CTNNA3: variants seen among roughly 807,000 people sequenced by gnomAD.
The protein encoded by CTNNA3 is catenin alpha-3.
A neutral mutation model predicts 95.7 loss-of-function variants in CTNNA3; 76 were observed. The ratio of observed to expected loss-of-function variants is 0.79; its 90% confidence interval spans 0.66 to 0.96. The LOEUF (loss-of-function observed/expected upper bound fraction) is 0.96. Among genes scored for constraint, CTNNA3 ranks in the 40% least tolerant of loss-of-function variants. CTNNA3 has a pLI of 0.00. For missense variants in CTNNA3, 1,191 were observed against 1,089.8 expected, an observed-to-expected ratio of 1.09 and a Z score of -1.31; for synonymous variants, 431 against 374.4, an observed-to-expected ratio of 1.15 and a Z score of -1.74.
chr10:66,593,936 A>C (rs1245444828), intron 10 of CTNNA3, among the ~76,000 whole-genome samples: 1 of 151,908 alleles, frequency 6.6e-6, no homozygotes, highest in Non-Finnish European at 1.5e-5. Context: ...TCTATGTTAT[A>C]TTATCCCTAT....
At chr10:66,503,855 G>A (rs538533733) in intron 11 of CTNNA3, among the ~76,000 whole-genome samples, 16 of 152,158 alleles carry the variant, frequency 1.1e-4, no homozygotes, top group Non-Finnish European at 1.8e-4. Context: ...CTTTAGCGGT[G>A]AAATTTTAGT....
At chr10:66,644,505 T>C (rs535798939) in intron 9 of CTNNA3, among the ~76,000 whole-genome samples, 104 of 149,340 alleles carry the variant, frequency 7.0e-4, no homozygotes, top group African/African-American at 2.4e-3. Flanking sequence ...ATACACAATA[T>C]ATTAGACACT....
intron 14 of CTNNA3, among the ~76,000 whole-genome samples, chr10:66,095,923 A>G (rs1306897121): frequency 1.3e-5 from 2 of 152,096 alleles, no homozygotes; most frequent in Non-Finnish European, 2.9e-5. Context: ...AAGTGAATAT[A>G]ATGTTAAACA....
chr10:66,639,744 T>C (rs915157998), intron 9 of CTNNA3, among the ~76,000 whole-genome samples: 19 of 152,186 alleles, frequency 1.2e-4, no homozygotes, highest in African/African-American at 4.6e-4. Flanking sequence ...TAAAAAGACA[T>C]AATCTGTAAC....
At chr10:66,947,003 C>T (rs1402905594) in intron 7 of CTNNA3, among the ~76,000 whole-genome samples, 1 of 152,136 alleles carries the variant, frequency 6.6e-6, no homozygotes, top group Non-Finnish European at 1.5e-5. Context: ...AAGAAGGACA[C>T]TGAGGTAATC....
chr10:66,337,937 T>G lies in CTNNA3; in HGVS notation c.1732+41215A>C, dbSNP rs533680494. Among the ~76,000 whole-genome samples the G allele has an allele frequency of 5.9e-5, 9 of 152,146 alleles. No homozygotes were observed. In the East Asian group the frequency reaches 1.7e-3, roughly 29 times the overall value. On this transcript the variant is annotated intron_variant, in intron 12 of 17. Transcript: ENST00000433211. ...AGATAAAGATAAATGAAGCTATGCA[T>G]AGCCTAGGTATCCATAGCTAAGACA...
intron 5 of CTNNA3, among the ~76,000 whole-genome samples, chr10:67,364,099 C>A (rs1248955783): frequency 6.6e-6 from 1 of 152,164 alleles, no homozygotes; most frequent in Non-Finnish European, 1.5e-5. Context: ...AAACCCAATC[C>A]AGCAGCACAT....
At chr10:67,158,155 T>C (rs766227798) in intron 7 of CTNNA3, among the ~76,000 whole-genome samples, 2 of 152,100 alleles carry the variant, frequency 1.3e-5, no homozygotes, top group Non-Finnish European at 2.9e-5. Flanking sequence ...TATTAAACCA[T>C]CTTTCTTCCT....
Position 66,185,660 on chromosome 10 carries a change from T to A in CTNNA3, c.1885-82411A>T, listed in dbSNP as rs2086297050. The stretch of plus-strand genomic sequence containing the variant: ...ATCTAATGAATTCCAAAGTCCCAGG[T>A]TCCTGTAGGTTTTCAGCTTTACAGA... On this transcript the variant is annotated intron_variant, in intron 13 of 17. Coordinates refer to ENST00000433211, the MANE Select transcript of CTNNA3 (RefSeq NM_013266.4). Among the ~76,000 whole-genome samples, 3 of 152,030 alleles carry A rather than the reference T, an allele frequency of 2.0e-5. No homozygotes were observed. In the South Asian group the frequency reaches 6.2e-4, roughly 31 times the overall value.
At chr10:67,258,280 A>C (rs562120873) in intron 5 of CTNNA3, among the ~76,000 whole-genome samples, 1 of 152,130 alleles carries the variant, frequency 6.6e-6, no homozygotes, top group South Asian at 2.1e-4. Flanking sequence ...AGTAGCTGGG[A>C]CTACAGGTGC....
At chr10:66,510,535 C>A (rs1051784771) in intron 11 of CTNNA3, among the ~76,000 whole-genome samples, 10 of 148,036 alleles carry the variant, frequency 6.8e-5, no homozygotes, top group African/African-American at 2.2e-4. Flanking sequence ...ATGGGTTTGT[C>A]ATATATGGTC....
At chr10:66,827,501 C>T (rs888861062) in intron 7 of CTNNA3, among the ~76,000 whole-genome samples, 8 of 152,248 alleles carry the variant, frequency 5.3e-5, no homozygotes, top group Non-Finnish European at 1.2e-4. Flanking sequence ...TATTGTCCTG[C>T]TATGCAATAT....
At chr10:67,521,804 T>A in intron 5 of CTNNA3, 38 bp downstream of exon 5, 1 of 1,600,288 alleles carries the variant, frequency 6.2e-7, no homozygotes, top group Non-Finnish European at 8.5e-7. Flanking sequence ...AAGCCTAAAG[T>A]GTTCATCTCC....
chr10:66,137,792 T>C (rs1356993550), intron 13 of CTNNA3, among the ~76,000 whole-genome samples: 1 of 151,782 alleles, frequency 6.6e-6, no homozygotes, highest in Non-Finnish European at 1.5e-5. Flanking sequence ...ACAAAAAATT[T>C]ACAAAAAAGT....
intron 11 of CTNNA3, among the ~76,000 whole-genome samples, chr10:66,517,768 G>T (rs1840915285): frequency 6.6e-6 from 1 of 152,002 alleles, no homozygotes; most frequent in African/African-American, 2.4e-5. Flanking sequence ...CAAGATCCAA[G>T]AACCCTCTCT....
intron 9 of CTNNA3, among the ~76,000 whole-genome samples, chr10:66,708,476 G>A (rs1848190040): frequency 1.3e-5 from 2 of 151,912 alleles, no homozygotes; most frequent in African/African-American, 2.4e-5. Context: ...AGTCATGTTA[G>A]GTAAAGTCCC....
chr10:65,991,339 A>G (rs1170795365), intron 15 of CTNNA3, among the ~76,000 whole-genome samples: 1 of 152,118 alleles, frequency 6.6e-6, no homozygotes, highest in African/African-American at 2.4e-5. Context: ...CTGAAAATGT[A>G]GATTTCTTTT....
chr10:66,068,523 C>T (rs1031011252), intron 15 of CTNNA3, among the ~76,000 whole-genome samples: 4 of 152,064 alleles, frequency 2.6e-5, no homozygotes, highest in African/African-American at 9.7e-5. Flanking sequence ...TTCATTACTC[C>T]ACCTGAAAGT....
At chr10:65,983,135 AT>A in intron 16 of CTNNA3, among the ~76,000 whole-genome samples, 1 of 151,778 alleles carries the variant, frequency 6.6e-6, no homozygotes, top group South Asian at 2.1e-4. Flanking sequence ...CTGCCAATGT[AT>A]TTAACACTAA....
Sources: allele counts gnomAD v4.1 joint callset (sites outside exome capture counted in the v4.1 genomes callset), GRCh38; gene constraint gnomAD v4.1.1; transcripts MANE v1.5; gene names NCBI Gene and HGNC (gene_info 2026-07-23, HGNC 2026-07-21).